The following AXIN1 variants were observed in gnomAD, a reference collection of about 807,000 sequenced individuals.
The protein encoded by AXIN1 is axin 1, also known as axin-1.
A neutral mutation model predicts 76.4 loss-of-function variants in AXIN1; 30 were observed. That is an observed-to-expected ratio of 0.39 (90% CI 0.29 to 0.53). The LOEUF (loss-of-function observed/expected upper bound fraction) is 0.53. AXIN1 is among the 20% of genes least tolerant of loss of function. AXIN1 has a pLI of 0.66. For synonymous variants in AXIN1, 545 were observed against 501.4 expected (o/e 1.09, Z -1.16); for missense variants, 1,140 against 1,198.8 (o/e 0.95, Z 0.72).
intron 2 of AXIN1, among the ~76,000 whole-genome samples, chr16:323,553 G>A (rs572737873): frequency 7.3e-5 from 11 of 151,166 alleles, no homozygotes; most frequent in South Asian, 2.1e-4. Flanking sequence ...AGGCCGAGGC[G>A]GGTGGATCAC....
rs2141467036 is a variant in AXIN1 at position 289,441 on chromosome 16, T to C, written c.2461A>G (p.Arg821Gly). The change falls in exon 10 of 11, where the codon AGA (arginine) becomes GGA (glycine). Residue 821 changes from arginine to glycine, a missense_variant and splice_region_variant. Transcript: ENST00000262320. ...KELLTKKGSY[R>G]YYFKKVSDEF... is the part of the protein sequence containing the mutation. ...GGGCACCCCAGCCCTCACACTCACCTGTAGCTGCCCTTTTTGGTCAGCAGC... is the reference window on the plus strand; with the variant it reads ...GGGCACCCCAGCCCTCACACTCACCCGTAGCTGCCCTTTTTGGTCAGCAGC... 6.2e-7 allele frequency: 1 copy of C among 1,612,858 alleles called. No homozygotes were observed. Among genetic ancestry groups the C allele is most frequent in the Non-Finnish European group, 8.5e-7 (1 of 1,179,988 alleles).
rs112248996 is a variant in AXIN1, at chr16:347,514, G to T, written c.-81-408C>A. 3.9e-4 allele frequency among the ~76,000 whole-genome samples: 59 copies of T among 152,298 alleles called. 1 individual carries two copies. Among genetic ancestry groups the T allele is most frequent in the African/African-American group, 1.3e-3 (56 of 41,572 alleles). ...ATGTGTACAAACCTGAGTGAGGGCT[G>T]GACCCTCACAAGTAAGATGGAGACA... On this transcript the variant is annotated intron_variant, in intron 1 of 10. Coordinates refer to ENST00000262320, the MANE Select transcript of AXIN1 (RefSeq NM_003502.4).
chr16:336,866 T>C lies in AXIN1; in HGVS notation c.878+9282A>G, dbSNP rs143194775. On this transcript the variant is annotated intron_variant, in intron 2 of 10. Coordinates refer to ENST00000262320, the MANE Select transcript of AXIN1 (RefSeq NM_003502.4). Reference sequence around the variant, plus strand: ...ATAAATACAAGAACTTAACCAGGTGTGGGCCAGGCACAGTGGCTCACGCCT... The same window carrying C: ...ATAAATACAAGAACTTAACCAGGTGCGGGCCAGGCACAGTGGCTCACGCCT... Among the ~76,000 whole-genome samples the C allele has an allele frequency of 1.5e-3, 217 of 145,890 alleles. 4 individuals are homozygous for C. The East Asian group carries it at 0.033, about 22-fold the overall frequency.
chr16:310,091 C>T (rs1388635426), intron 3 of AXIN1, 22 bp from the exon 4 acceptor site: 1 of 1,593,222 alleles, frequency 6.3e-7, no homozygotes, highest in Non-Finnish European at 8.5e-7. Context: ...AAAGAGGCAG[C>T]CGTTAACTCA....
intron 10 of AXIN1, among the ~76,000 whole-genome samples, chr16:289,129 C>G (rs1173667736): frequency 6.6e-6 from 1 of 151,608 alleles, no homozygotes; most frequent in Non-Finnish European, 1.5e-5. Flanking sequence ...CGCTCTGTCA[C>G]CCAGGCTGGA....
At chr16:341,465 G>T (rs142425699) in intron 2 of AXIN1, among the ~76,000 whole-genome samples, 1 of 152,234 alleles carries the variant, frequency 6.6e-6, no homozygotes, top group Non-Finnish European at 1.5e-5. Flanking sequence ...CCGGAGCTGC[G>T]CTCAATTTCT....
chr16:337,942 C>T (rs1042156823), intron 2 of AXIN1, among the ~76,000 whole-genome samples: 4 of 152,178 alleles, frequency 2.6e-5, no homozygotes, highest in East Asian at 1.9e-4. Flanking sequence ...GTGGAGAGAC[C>T]GAACACCTTC....
intron 3 of AXIN1, among the ~76,000 whole-genome samples, chr16:313,678 A>C (rs903604852): frequency 6.6e-6 from 1 of 152,232 alleles, no homozygotes; most frequent in African/African-American, 2.4e-5. Flanking sequence ...TCTGAGCTTC[A>C]TGGGTAACCA....
intron 1 of AXIN1, among the ~76,000 whole-genome samples, 157 bp downstream of exon 1, chr16:352,212 G>T (rs1300449673): frequency 6.6e-6 from 1 of 151,516 alleles, no homozygotes; most frequent in East Asian, 1.9e-4. Context: ...CCACCGCGCC[G>T]CCAGTCCCGC....
At chr16:344,629 C>T (rs1208973079) in intron 2 of AXIN1, among the ~76,000 whole-genome samples, 3 of 151,810 alleles carry the variant, frequency 2.0e-5, no homozygotes, top group Admixed American at 2.0e-4. Context: ...GCTGGGATTA[C>T]AGGCATGCGC....
chr16:288,052 C>G lies in AXIN1; in HGVS notation c.*70G>C, dbSNP rs2052434086. ...CCCATCGGGCTCCTGAGTACGAGGTCATCTGCCTGGCCGTGACACCCGTGC... is the reference window on the plus strand; with the variant it reads ...CCCATCGGGCTCCTGAGTACGAGGTGATCTGCCTGGCCGTGACACCCGTGC... On this transcript the variant is annotated 3_prime_UTR_variant, in exon 11 of 11. Transcript: ENST00000262320. 1 of 1,609,676 alleles carries G rather than the reference C, an allele frequency of 6.2e-7. No homozygotes were observed. Among genetic ancestry groups the G allele is most frequent in the African/African-American group, 1.3e-5 (1 of 75,052 alleles).
chr16:341,470 A>G (rs1438457627), intron 2 of AXIN1, among the ~76,000 whole-genome samples: 2 of 152,216 alleles, frequency 1.3e-5, no homozygotes, highest in Non-Finnish European at 2.9e-5. Context: ...GCTGCGCTCA[A>G]TTTCTCGCTG....
At chr16:348,012 T>C (rs1406275690) in intron 1 of AXIN1, among the ~76,000 whole-genome samples, 1 of 152,206 alleles carries the variant, frequency 6.6e-6, no homozygotes, top group Non-Finnish European at 1.5e-5. Flanking sequence ...ACTTCACTCC[T>C]TAAGCTGAAA....
intron 5 of AXIN1, among the ~76,000 whole-genome samples, chr16:303,889 C>A (rs997923030): frequency 5.3e-5 from 8 of 152,210 alleles, no homozygotes; most frequent in African/African-American, 1.9e-4. Context: ...TCTCAGGCAT[C>A]GCAGCCCCCG....
At position 298,271 on chromosome 16, in the gene AXIN1, A is replaced by G. The variant is rs1372346014; in HGVS notation, c.1255-20T>C. ...CTCCTCCTGTGTGGGGACAAGCAGC[A>G]CCATCACCTCTCAGCACCAGCTGCA... On this transcript the variant is annotated intron_variant, in intron 5 of 10. Transcript: ENST00000262320. 1 of 1,537,670 alleles carries G rather than the reference A, an allele frequency of 6.5e-7. No homozygotes were observed. Among genetic ancestry groups the G allele is most frequent in the Non-Finnish European group, 8.7e-7 (1 of 1,146,908 alleles).
At chr16:310,721 G>C (rs2053155751) in intron 3 of AXIN1, among the ~76,000 whole-genome samples, 1 of 152,192 alleles carries the variant, frequency 6.6e-6, no homozygotes, top group South Asian at 2.1e-4. Flanking sequence ...CATTTTTAAA[G>C]GGTGGGGGAA....
intron 4 of AXIN1, among the ~76,000 whole-genome samples, chr16:308,663 C>T (rs559343000): frequency 1.3e-5 from 2 of 152,200 alleles, no homozygotes; most frequent in East Asian, 1.9e-4. Context: ...CAGGTGCCCT[C>T]GACTTGGGCT....
At chr16:313,459 C>T (rs574398730) in intron 3 of AXIN1, among the ~76,000 whole-genome samples, 4 of 152,344 alleles carry the variant, frequency 2.6e-5, no homozygotes, top group East Asian at 1.9e-4. Flanking sequence ...CCCAGCTAAG[C>T]GGGAAAGACA....
chr16:323,456 A>AAG (rs1555483032), intron 2 of AXIN1, among the ~76,000 whole-genome samples: 16 of 148,528 alleles, frequency 1.1e-4, no homozygotes, highest in African/African-American at 3.8e-4. Context: ...AAAAAAAAGA[A>AAG]AGAAAAAAAG....
Sources: allele counts gnomAD v4.1 joint callset (sites outside exome capture counted in the v4.1 genomes callset), GRCh38; gene constraint gnomAD v4.1.1; transcripts MANE v1.5; gene names NCBI Gene and HGNC (gene_info 2026-07-23, HGNC 2026-07-21).